MOB3B: variants seen among roughly 807,000 people sequenced by gnomAD.
MOB3B encodes the protein MOB kinase activator 3B, also known as MOB kinase activator-like 2B.
Under a neutral mutation model 18.7 loss-of-function variants are expected in MOB3B, and 7 were observed. The ratio of observed to expected loss-of-function variants is 0.37; its 90% CI spans 0.21 to 0.70. The LOEUF is 0.70. MOB3B is among the 30% of genes least tolerant of loss of function. The pLI is 0.52. For synonymous variants in MOB3B, 111 were observed against 99.9 expected (o/e 1.11, Z -0.66); for missense variants, 253 against 281.3 (o/e 0.90, Z 0.72).
At chr9:27,483,271 T>C (rs1819689211) in intron 1 of MOB3B, among the ~76,000 whole-genome samples, 1 of 151,670 alleles carries the variant, frequency 6.6e-6, no homozygotes, top group African/African-American at 2.4e-5. Context: ...TAGCTGGGAC[T>C]ACAGGCGCCC....
chr9:27,393,133 G>T (rs1369660035), intron 2 of MOB3B, among the ~76,000 whole-genome samples: 4 of 152,078 alleles, frequency 2.6e-5, no homozygotes, highest in Non-Finnish European at 5.9e-5. Context: ...ATCTGAAATA[G>T]CAGTTCTACA....
chr9:27,524,663 A>G lies in MOB3B; in HGVS notation c.-199+4892T>C, dbSNP rs1480938835. 3.1e-6 allele frequency: 5 copies of G among 1,613,968 alleles called. No homozygotes were observed. In the East Asian group the frequency reaches 1.1e-4, roughly 36 times the overall value. ...ACACCTTCAAATATTGGAAAGAGAG[A>G]CACCTCAAACAAATCCAAATAGGAC... On this transcript the variant is annotated intron_variant, in intron 1 of 3. Transcript: ENST00000262244.
At position 27,455,162 on chromosome 9, in the gene MOB3B, T is replaced by C. The variant is rs775066044; in HGVS notation, c.389A>G (p.Asn130Ser). ...LLMDWIEVQI[N>S]NEEIFPTCVG... ...GCATGTTGGAAATATTTCCTCGTTG[T>C]TGATCTGAACCTCAATCCAATCCAT... The change falls in exon 2 of 4, where the codon AAC (asparagine) becomes AGC (serine). Residue 130 changes from asparagine to serine, a missense_variant. Coordinates refer to ENST00000262244, the MANE Select transcript of MOB3B (RefSeq NM_024761.5). The C allele has an allele frequency of 2.5e-6, 4 of 1,614,174 alleles. No homozygotes were observed. Among genetic ancestry groups the C allele is most frequent in the Non-Finnish European group, 3.4e-6 (4 of 1,180,020 alleles).
At chr9:27,434,441 C>G (rs1822464669) in intron 2 of MOB3B, among the ~76,000 whole-genome samples, 1 of 148,250 alleles carries the variant, frequency 6.7e-6, no homozygotes, top group South Asian at 2.1e-4. Context: ...TGTCCTAGGC[C>G]TTTTCTTTCT....
At chr9:27,397,503 A>C (rs930042561) in intron 2 of MOB3B, 3 of 152,190 alleles carry the variant, frequency 2.0e-5, no homozygotes, top group Admixed American at 1.3e-4. Flanking sequence ...CTATATTTTG[A>C]AGTGTTCACT....
In MOB3B at chr9:27,512,286, G is replaced by T. The variant is rs540884259; in HGVS notation, c.-199+17269C>A. ...TTGGATGTTTTTTACAGTAGCTGGT[G>T]TCTGAAGCATCTGGAAGTCCTGAGA... On this transcript the variant is annotated intron_variant, in intron 1 of 3. Transcript: ENST00000262244. 1.1e-4 allele frequency among the ~76,000 whole-genome samples: 17 copies of T among 152,258 alleles called. No individual in the cohort carries two copies. In the East Asian group the frequency reaches 3.3e-3, roughly 29 times the overall value.
chr9:27,439,521 G>T (rs1202951155), intron 2 of MOB3B, among the ~76,000 whole-genome samples: 1 of 152,024 alleles, frequency 6.6e-6, no homozygotes, highest in Non-Finnish European at 1.5e-5. Context: ...TTTAGTTTCA[G>T]CAGACCATGA....
At chr9:27,523,472 A>G (rs960048873) in intron 1 of MOB3B, among the ~76,000 whole-genome samples, 149 of 152,166 alleles carry the variant, frequency 9.8e-4, no homozygotes, top group Non-Finnish European at 1.9e-3. Flanking sequence ...ACCAAAAAAA[A>G]AAAAGAAAAG....
chr9:27,346,120 G>A (rs910023543), intron 3 of MOB3B, among the ~76,000 whole-genome samples: 3 of 152,162 alleles, frequency 2.0e-5, no homozygotes, highest in Admixed American at 6.5e-5. Context: ...GAGACCTGAT[G>A]GGGGGCTTCC....
At position 27,379,520 on chromosome 9, in the gene MOB3B, C is replaced by T. The variant is rs568465942; in HGVS notation, c.419-20284G>A. Among the ~76,000 whole-genome samples, 42 of 152,232 alleles carry T rather than the reference C, an allele frequency of 2.8e-4. No homozygotes were observed. The South Asian group carries it at 3.3e-3, about 12-fold the overall frequency. ...CATCCCCTGTTCACAGATGAGGAAACGACAGAGGAAGATGAAGTTTCCTGC... is the reference window on the plus strand; with the variant it reads ...CATCCCCTGTTCACAGATGAGGAAATGACAGAGGAAGATGAAGTTTCCTGC... On this transcript the variant is annotated intron_variant, in intron 2 of 3. Coordinates refer to ENST00000262244, the MANE Select transcript of MOB3B (RefSeq NM_024761.5).
intron 3 of MOB3B, among the ~76,000 whole-genome samples, chr9:27,333,340 G>A (rs1030180235): frequency 6.8e-6 from 1 of 146,800 alleles, no homozygotes; most frequent in African/African-American, 2.6e-5. Flanking sequence ...CCACTGGGTG[G>A]AGCCAATGAG....
chr9:27,436,638 A>G (rs1381339765), intron 2 of MOB3B, among the ~76,000 whole-genome samples: 1 of 152,228 alleles, frequency 6.6e-6, no homozygotes. Flanking sequence ...GAAAATGGCA[A>G]TGCTTCAGAC....
chr9:27,386,816 T>C (rs1421130906), intron 2 of MOB3B, among the ~76,000 whole-genome samples: 4 of 152,216 alleles, frequency 2.6e-5, no homozygotes, highest in African/African-American at 9.6e-5. Flanking sequence ...ACTCTTGTGT[T>C]ATATCCCTCA....
chr9:27,519,357 A>C (rs571996556), intron 1 of MOB3B, among the ~76,000 whole-genome samples: 6 of 152,194 alleles, frequency 3.9e-5, no homozygotes, highest in Non-Finnish European at 8.8e-5. Flanking sequence ...TAGATTTTTA[A>C]TATCATCTCC....
intron 2 of MOB3B, among the ~76,000 whole-genome samples, chr9:27,433,150 C>T (rs188299322): frequency 5.3e-5 from 8 of 151,054 alleles, no homozygotes; most frequent in South Asian, 2.1e-4. Flanking sequence ...AATTTAGTAC[C>T]GGCTCAAAAA....
chr9:27,481,827 A>T (rs1426963181), intron 1 of MOB3B, among the ~76,000 whole-genome samples: 1 of 152,148 alleles, frequency 6.6e-6, no homozygotes, highest in Non-Finnish European at 1.5e-5. Flanking sequence ...GCCCAGCCTA[A>T]GGAAGGTAGT....
chr9:27,456,187 A>C (rs1338436528), intron 1 of MOB3B, among the ~76,000 whole-genome samples: 2 of 152,206 alleles, frequency 1.3e-5, no homozygotes, highest in African/African-American at 2.4e-5. Context: ...TATCACACCA[A>C]GCTGGCTAAT....
At chr9:27,338,955 T>C (rs77572039) in intron 3 of MOB3B, among the ~76,000 whole-genome samples, 4,054 of 152,232 alleles carry the variant, frequency 0.027, 148 homozygotes, top group African/African-American at 0.092. Flanking sequence ...GTTGCATCCT[T>C]GGTGCAGAGT....
intron 2 of MOB3B, among the ~76,000 whole-genome samples, chr9:27,385,700 C>T (rs1383400087): frequency 6.6e-6 from 1 of 152,164 alleles, no homozygotes; most frequent in Non-Finnish European, 1.5e-5. Context: ...AAGAGAGATG[C>T]CAATATTGAT....
Sources: gnomAD v4.1 joint callset for allele counts (sites outside exome capture counted in the v4.1 genomes callset) on GRCh38, gnomAD v4.1.1 for gene constraint, MANE v1.5 for transcripts, NCBI Gene and HGNC (gene_info 2026-07-23, HGNC 2026-07-21) for gene names.